The following CCDC9B variants were observed in gnomAD, a reference collection of about 807,000 sequenced individuals.
CCDC9B encodes coiled-coil domain-containing protein 9B.
Under a neutral mutation model 47.2 loss-of-function variants are expected in CCDC9B, and 40 were observed. The observed-to-expected ratio is 0.85, with a 90% CI of 0.66 to 1.10. CCDC9B has a LOEUF of 1.10. Among genes scored for constraint, CCDC9B ranks in the 50% least tolerant of loss-of-function variants. The pLI is 0.00. For missense variants in CCDC9B, 662 were observed against 651.0 expected, an observed-to-expected ratio of 1.02 and a Z score of -0.18; for synonymous variants, 238 against 250.7, an observed-to-expected ratio of 0.95 and a Z score of 0.48.
intron 9 of CCDC9B, chr15:40,336,085 A>C: frequency 1.0e-6 from 1 of 985,372 alleles, no homozygotes; most frequent in South Asian, 4.7e-5. Flanking sequence ...CTGGGCCTCC[A>C]TCTCCTTGCC....
intron 3 of CCDC9B, 184 bp downstream of exon 3, chr15:40,339,320 TGGGGGTAG>T: frequency 1.6e-6 from 1 of 611,088 alleles, no homozygotes; most frequent in South Asian, 1.9e-5. Flanking sequence ...ATGCATCTAC[TGGGGGTAG>T]GGGGGCTTTC....
At chr15:40,339,667 CAG>C in intron 2 of CCDC9B, 48 bp from the exon 3 acceptor site, 1 of 1,607,564 alleles carries the variant, frequency 6.2e-7, no homozygotes. Flanking sequence ...CCCAGGTGCA[CAG>C]AGACATAGAT....
At position 40,336,637 on chromosome 15, in the gene CCDC9B, G is replaced by A. The variant is rs749032102; in HGVS notation, c.824C>T (p.Ser275Leu). 5.0e-6 allele frequency: 8 copies of A among 1,612,896 alleles called. No homozygotes were observed. Among genetic ancestry groups the A allele is most frequent in the African/African-American group, 4.0e-5 (3 of 74,906 alleles). Residue 275 changes from serine (S) to leucine (L), a missense_variant, in exon 9 of 11, where the codon TCG becomes TTG. Coordinates refer to ENST00000397536, the MANE Select transcript of CCDC9B (RefSeq NM_207380.3). ...TTTGCTGCCTGTGGCTGGTGCCACCGAGGGTCTGCTGGCTTGCCCGCCCCG... is the reference window on the plus strand; with the variant it reads ...TTTGCTGCCTGTGGCTGGTGCCACCAAGGGTCTGCTGGCTTGCCCGCCCCG... Reference protein sequence around the residue: ...KGRGGQASRPSVAPATGSKAR... With the variant: ...KGRGGQASRPLVAPATGSKAR...
intron 1 of CCDC9B, chr15:40,340,327 G>A (rs1889063343): frequency 2.5e-6 from 1 of 394,040 alleles, no homozygotes; most frequent in Non-Finnish European, 4.6e-6. Flanking sequence ...GCCTGGAATG[G>A]GAGTTATAAA....
Position 40,340,876 on chromosome 15 carries a change from G to A in CCDC9B, c.-57C>T. Reference sequence around the variant, plus strand: ...CAGCCCCTGGGGAGCCAGAGTGGGAGGAAAGCTGGAGCCACCGGAGCCGGG... The same window carrying A: ...CAGCCCCTGGGGAGCCAGAGTGGGAAGAAAGCTGGAGCCACCGGAGCCGGG... On this transcript the variant is annotated 5_prime_UTR_variant, in exon 1 of 11. Coordinates refer to ENST00000397536, the MANE Select transcript of CCDC9B (RefSeq NM_207380.3). 1 of 1,608,872 alleles carries A rather than the reference G, an allele frequency of 6.2e-7. No individual in the cohort carries two copies. The highest frequency in any genetic ancestry group is 8.5e-7 in the Non-Finnish European group (1 of 1,178,454).
chr15:40,336,539 T>G, intron 9 of CCDC9B, 35 bp downstream of exon 9: 1 of 1,604,580 alleles, frequency 6.2e-7, no homozygotes, highest in South Asian at 1.1e-5. Flanking sequence ...GACACCCACA[T>G]GCCCGTCTTG....
rs546959677 is a variant in CCDC9B, at chr15:40,338,104, G to T, written c.514-211C>A. On this transcript the variant is annotated intron_variant, in intron 5 of 10. Transcript: ENST00000397536. ...TAACCTCTCTGTGTCTCATTTCCTCGTGTAAAATGGGGAGGATCTCCGTAG... is the reference window on the plus strand; with the variant it reads ...TAACCTCTCTGTGTCTCATTTCCTCTTGTAAAATGGGGAGGATCTCCGTAG... The T allele has an allele frequency of 2.1e-4, 155 of 728,356 alleles. 3 individuals carry two copies. The South Asian group carries it at 2.2e-3, about 10-fold the overall frequency. The allele number at this position is 728,356 out of a possible 1,614,324, so 45.1% of individuals were successfully genotyped here. A position where few individuals can be genotyped will look rare whatever the true frequency, so the allele number is the denominator to read the frequency against.
chr15:40,335,627 C>A lies in CCDC9B; in HGVS notation c.1004G>T (p.Arg335Leu). The change falls in exon 11 of 11, where the codon CGA (arginine) becomes CTA (leucine). Residue 335 changes from arginine (R) to leucine (L), a missense_variant. By Grantham distance (102) the Arg-to-Leu change is moderately radical (BLOSUM62 -2). Transcript: ENST00000397536. The part of the protein sequence containing the change: ...AQKQSGMEQG[R>L]LGSAPAASPA... ...GCTGGCTGCAGGGGCGCTCCCCAGTCGGCCCTGCTCCATCCCGCTCTGCTT... is the reference window on the plus strand; with the variant it reads ...GCTGGCTGCAGGGGCGCTCCCCAGTAGGCCCTGCTCCATCCCGCTCTGCTT... 1 of 1,502,654 alleles carries A rather than the reference C, an allele frequency of 6.7e-7. No homozygotes were observed. Among genetic ancestry groups the A allele is most frequent in the Non-Finnish European group, 8.9e-7 (1 of 1,120,416 alleles). 93.1% of individuals were successfully genotyped at this position (1,502,654 alleles called of 1,614,324 possible). A position where few individuals can be genotyped will look rare whatever the true frequency, so the allele number is the denominator to read the frequency against.
In CCDC9B at chr15:40,335,688, T is replaced by C; in HGVS notation, c.943A>G (p.Thr315Ala). Residue 315 changes from threonine to alanine, a missense_variant, in exon 11 of 11, where the codon ACC becomes GCC. By Grantham distance (58) the Thr-to-Ala change is moderately conservative. Transcript: ENST00000397536. ...ELEGQEGSQS[T>A]RETPSEEEQA... ...TCCTCCTCACTGGGAGTCTCTCTGG[T>C]GCTTTGGCTTCCCTGAAACAAGAGA... is the stretch of plus-strand genomic sequence containing the variant. 6.4e-7 allele frequency: 1 copy of C among 1,559,544 alleles called. No individual in the cohort carries two copies. Among genetic ancestry groups the C allele is most frequent in the Non-Finnish European group, 8.7e-7 (1 of 1,150,586 alleles).
rs983379932 is a variant in CCDC9B at position 40,335,097 on chromosome 15, C to G, written c.*61G>C. 2.1e-6 allele frequency: 3 copies of G among 1,442,560 alleles called. No individual in the cohort carries two copies. Among genetic ancestry groups the G allele is most frequent in the Middle Eastern group, 2.2e-4 (1 of 4,448 alleles). The allele number at this position is 1,442,560 out of a possible 1,614,324, so 89.4% of individuals were successfully genotyped here. ...ACCACATGGCCATCACGCGGAGGGC[C>G]TTTAACAGAGTGATTCCCTTTTCCT... On this transcript the variant is annotated 3_prime_UTR_variant, in exon 11 of 11. Transcript: ENST00000397536.
Position 40,338,846 on chromosome 15 carries a change from T to G in CCDC9B, c.289A>C (p.Asn97His). The G allele has an allele frequency of 6.2e-7, 1 of 1,614,164 alleles. No individual in the cohort carries two copies. Among genetic ancestry groups the G allele is most frequent in the Non-Finnish European group, 8.5e-7 (1 of 1,180,016 alleles). Residue 97 changes from asparagine to histidine, a missense_variant, in exon 4 of 11, where the codon AAC becomes CAC. By Grantham distance (68) the Asn-to-His change is moderately conservative (BLOSUM62 1). Transcript: ENST00000397536. ...GCATCCTCATCCTCAAGCATCTCGTTGGTCACTCTGGGTCCACAGGTACCC... is the reference window on the plus strand; with the variant it reads ...GCATCCTCATCCTCAAGCATCTCGTGGGTCACTCTGGGTCCACAGGTACCC... Reference protein sequence around the residue: ...ARGTCGPRVTNEMLEDEDAED... With the variant: ...ARGTCGPRVTHEMLEDEDAED...
chr15:40,334,360 A>C lies in CCDC9B; in HGVS notation c.*798T>G, dbSNP rs780414437. 2 of 152,520 alleles carry C rather than the reference A, an allele frequency of 1.3e-5. No homozygotes were observed. Among genetic ancestry groups the C allele is most frequent in the Non-Finnish European group, 2.9e-5 (2 of 68,212 alleles). The allele number at this position is 152,520 out of a possible 1,614,324, so 9.4% of individuals were successfully genotyped here. ...GGTGCTAGTGCAGGACGGTGGGGAAAGAGGAAGTGGAAAGAGCAGGAAATG... is the reference window on the plus strand; with the variant it reads ...GGTGCTAGTGCAGGACGGTGGGGAACGAGGAAGTGGAAAGAGCAGGAAATG... On this transcript the variant is annotated 3_prime_UTR_variant, in exon 11 of 11. Transcript: ENST00000397536.
At position 40,336,806 on chromosome 15, in the gene CCDC9B, C is replaced by A; in HGVS notation, c.750G>T (p.Arg250Ser). The change falls in exon 8 of 11, where the codon AGG (arginine) becomes AGT (serine). Residue 250 changes from arginine to serine, a missense_variant. Physicochemically the swap from Arg to Ser is moderately radical, Grantham distance 110. Coordinates refer to ENST00000397536, the MANE Select transcript of CCDC9B (RefSeq NM_207380.3). Reference sequence around the variant, plus strand: ...GTGGGGGCTGTAGTTTCTGGTGGCTCCTGGGACCTGCGGGGGACAAAAGAA... The same window carrying A: ...GTGGGGGCTGTAGTTTCTGGTGGCTACTGGGACCTGCGGGGGACAAAAGAA... ...PARAGSRRGPRSHQKLQPPPL... is the reference protein window; with the variant it reads ...PARAGSRRGPSSHQKLQPPPL... The A allele has an allele frequency of 6.3e-7, 1 of 1,593,914 alleles. No homozygotes were observed.
At chr15:40,337,229 G>T in intron 7 of CCDC9B, 159 bp downstream of exon 7, 1 of 765,762 alleles carries the variant, frequency 1.3e-6, no homozygotes, top group Non-Finnish European at 2.3e-6. Context: ...GGAGGTCTTG[G>T]TGCCCTCCTC....
At chr15:40,340,232 G>T (rs1003309863) in intron 1 of CCDC9B, 1 of 577,520 alleles carries the variant, frequency 1.7e-6, no homozygotes, top group Admixed American at 3.2e-5. Context: ...GGGGGCTCAG[G>T]TCAGGGCCTC....
chr15:40,340,519 G>A (rs1889068529), intron 1 of CCDC9B: 2 of 456,292 alleles, frequency 4.4e-6, no homozygotes, highest in Non-Finnish European at 3.9e-6. Flanking sequence ...GGAAAGAGCC[G>A]CTCCCAGGGG....
In CCDC9B at chr15:40,335,546, C is replaced by A; in HGVS notation, c.1085G>T (p.Ser362Ile). The change falls in exon 11 of 11, where the codon AGC (serine) becomes ATC (isoleucine). Residue 362 changes from serine to isoleucine, a missense_variant. Physicochemically the swap from Ser to Ile is moderately radical, Grantham distance 142 (BLOSUM62 -2). Coordinates refer to ENST00000397536, the MANE Select transcript of CCDC9B (RefSeq NM_207380.3). The stretch of plus-strand genomic sequence containing the variant: ...CTCCTGTGGAGAGCAGGGGACTGAG[C>A]TGGCTGTGGAAGCCACTGACTCCCC... ...PKGESVASTASSVPCSPQEPD... is the reference protein window; with the variant it reads ...PKGESVASTAISVPCSPQEPD... The A allele has an allele frequency of 6.6e-7, 1 of 1,515,664 alleles. No individual in the cohort carries two copies. Among genetic ancestry groups the A allele is most frequent in the Non-Finnish European group, 8.8e-7 (1 of 1,131,972 alleles). The allele number at this position is 1,515,664 out of a possible 1,614,324, so 93.9% of individuals were successfully genotyped here.
chr15:40,333,593 A>C lies in CCDC9B; in HGVS notation c.*1565T>G, dbSNP rs1295716530. 1 of 144,466 alleles carries C rather than the reference A, an allele frequency of 6.9e-6. No individual in the cohort carries two copies. Among genetic ancestry groups the C allele is most frequent in the East Asian group, 2.5e-4 (1 of 4,080 alleles). 8.9% of individuals were successfully genotyped at this position (144,466 alleles called of 1,614,324 possible). A position where few individuals can be genotyped will look rare whatever the true frequency, so the allele number is the denominator to read the frequency against. On this transcript the variant is annotated 3_prime_UTR_variant, in exon 11 of 11. Coordinates refer to ENST00000397536, the MANE Select transcript of CCDC9B (RefSeq NM_207380.3). ...AAAAAAAAAAAAAAAAAAAAAGACG[A>C]ACTCTCAGGCCCTCCCCAGACCATT...
intron 1 of CCDC9B, 50 bp downstream of exon 1, chr15:40,340,758 C>T: frequency 1.9e-6 from 3 of 1,561,932 alleles, no homozygotes; most frequent in African/African-American, 1.4e-5. Flanking sequence ...GGTATCCCAG[C>T]CCCCTCCCAG....
Sources: gnomAD v4.1 joint callset for allele counts on GRCh38, gnomAD v4.1.1 for gene constraint, MANE v1.5 for transcripts, NCBI Gene and HGNC (gene_info 2026-07-23, HGNC 2026-07-21) for gene names.